ANO3: variants seen among roughly 807,000 people sequenced by gnomAD.
ANO3 encodes the protein anoctamin-3.
In ANO3, 99 loss-of-function variants were observed where a neutral mutation model predicts 144.8. The ratio of observed to expected loss-of-function variants is 0.68; its 90% CI spans 0.58 to 0.81. ANO3 has a LOEUF of 0.81. Among genes scored for constraint, ANO3 ranks in the 30% least tolerant of loss-of-function variants. The pLI, the probability that ANO3 is intolerant of heterozygous loss-of-function variation, is 0.00. For synonymous variants in ANO3, 414 were observed against 392.6 expected (o/e 1.05, Z -0.64); for missense variants, 905 against 1,202.2 (o/e 0.75, Z 3.66).
chr11:26,568,464 C>T (rs994922138), intron 14 of ANO3, among the ~76,000 whole-genome samples: 10 of 82,812 alleles, frequency 1.2e-4, no homozygotes, highest in African/African-American at 3.3e-4. Context: ...GAACTTCTTC[C>T]TACCATAGTT....
At chr11:26,301,040 G>C (rs1232977749) in intron 1 of ANO3, among the ~76,000 whole-genome samples, 1 of 147,736 alleles carries the variant, frequency 6.8e-6, no homozygotes, top group Admixed American at 6.7e-5. Context: ...TTTTAGTAGA[G>C]ATGGGGTTTC....
chr11:26,542,597 C>A (rs941132225), intron 11 of ANO3, among the ~76,000 whole-genome samples: 1 of 152,028 alleles, frequency 6.6e-6, no homozygotes, highest in Non-Finnish European at 1.5e-5. Flanking sequence ...GAAAGTGGAT[C>A]TAAGAGCAAA....
chr11:26,239,195 A>G (rs1413544925), intron 1 of ANO3, among the ~76,000 whole-genome samples: 1 of 152,020 alleles, frequency 6.6e-6, no homozygotes, highest in African/African-American at 2.4e-5. Context: ...ATAATAATGC[A>G]TTGCTTCTTT....
At chr11:26,563,883 T>C in intron 14 of ANO3, among the ~76,000 whole-genome samples, 1 of 151,854 alleles carries the variant, frequency 6.6e-6, no homozygotes, top group Non-Finnish European at 1.5e-5. Context: ...TGTATTATTC[T>C]TTTCACTCGG....
intron 23 of ANO3, among the ~76,000 whole-genome samples, chr11:26,644,961 A>C (rs1853296842): frequency 6.6e-6 from 1 of 151,998 alleles, no homozygotes; most frequent in Non-Finnish European, 1.5e-5. Flanking sequence ...TAAGGTTTTA[A>C]ATTTTATATA....
chr11:26,262,331 G>C (rs763606428), intron 1 of ANO3, among the ~76,000 whole-genome samples: 1 of 152,000 alleles, frequency 6.6e-6, no homozygotes, highest in Non-Finnish European at 1.5e-5. Flanking sequence ...ATTTTACAAA[G>C]ACAGAAATCA....
intron 1 of ANO3, among the ~76,000 whole-genome samples, chr11:26,372,909 G>A (rs1186319904): frequency 6.6e-6 from 1 of 151,730 alleles, no homozygotes; most frequent in African/African-American, 2.4e-5. Context: ...TTGTGTGGAA[G>A]TAAAAGCAGT....
At chr11:26,245,018 T>TGTGTGAGCGC (rs151031559) in intron 1 of ANO3, among the ~76,000 whole-genome samples, 1 of 145,324 alleles carries the variant, frequency 6.9e-6, no homozygotes. Context: ...TGTGTGTGTG[T>TGTGTGAGCGC]GTGCATGCAT....
intron 1 of ANO3, among the ~76,000 whole-genome samples, chr11:26,244,200 T>C (rs550107042): frequency 6.6e-6 from 1 of 152,122 alleles, no homozygotes; most frequent in African/African-American, 2.4e-5. Context: ...AACTACTATC[T>C]TCCAAACATG....
chr11:26,618,466 C>T (rs1244337532), intron 17 of ANO3, among the ~76,000 whole-genome samples: 1 of 152,110 alleles, frequency 6.6e-6, no homozygotes, highest in African/African-American at 2.4e-5. Flanking sequence ...GGTTGGTCTT[C>T]CTGTCTCTAA....
At position 26,287,798 on chromosome 11, in the gene ANO3, A is replaced by C. The variant is rs1232538410; in HGVS notation, c.155-21847A>C. 2.0e-5 allele frequency among the ~76,000 whole-genome samples: 3 copies of C among 152,334 alleles called. No homozygotes were observed. The East Asian group carries it at 5.8e-4, about 29-fold the overall frequency. Reference sequence around the variant, plus strand: ...TTAGAAACCACTTACTAGGTGTGAAAAGAGCCCTGAAAAAATGTAAGTGCC... The same window carrying C: ...TTAGAAACCACTTACTAGGTGTGAACAGAGCCCTGAAAAAATGTAAGTGCC... On this transcript the variant is annotated intron_variant, in intron 1 of 27. Transcript: ENST00000672621.
intron 1 of ANO3, among the ~76,000 whole-genome samples, chr11:26,420,177 C>T (rs1486603239): frequency 1.3e-5 from 2 of 152,010 alleles, no homozygotes; most frequent in African/African-American, 4.8e-5. Context: ...TGCTAGCAAG[C>T]AAACTCAAAA....
rs528919438 is a variant in ANO3, at chr11:26,272,326, G to A, written c.155-37319G>A. 5.9e-5 allele frequency among the ~76,000 whole-genome samples: 9 copies of A among 152,062 alleles called. 1 individual carries two copies. In the South Asian group the frequency reaches 1.5e-3, roughly 25 times the overall value. ...GATGTCTGCAACTGCCTGCCATTTCGAAACAAATGAATCCAGCATAAGGAC... is the reference window on the plus strand; with the variant it reads ...GATGTCTGCAACTGCCTGCCATTTCAAAACAAATGAATCCAGCATAAGGAC... On this transcript the variant is annotated intron_variant, in intron 1 of 27. Transcript: ENST00000672621.
intron 1 of ANO3, among the ~76,000 whole-genome samples, chr11:26,339,595 C>T (rs996212260): frequency 1.3e-5 from 2 of 152,172 alleles, no homozygotes; most frequent in African/African-American, 2.4e-5. Flanking sequence ...AGCTAGTTTC[C>T]TTGCTCTACA....
At chr11:26,531,554 A>AT (rs1849371641) in intron 8 of ANO3, among the ~76,000 whole-genome samples, 1 of 152,222 alleles carries the variant, frequency 6.6e-6, no homozygotes, top group Admixed American at 6.5e-5. Flanking sequence ...TGAATAATTA[A>AT]TTGTAGACCT....
At chr11:26,249,314 T>C (rs533470578) in intron 1 of ANO3, among the ~76,000 whole-genome samples, 1 of 152,298 alleles carries the variant, frequency 6.6e-6, no homozygotes, top group South Asian at 2.1e-4. Context: ...AAAAAGAATG[T>C]ATTATATGAA....
At chr11:26,485,598 A>G (rs1237964288) in intron 4 of ANO3, among the ~76,000 whole-genome samples, 1 of 152,164 alleles carries the variant, frequency 6.6e-6, no homozygotes, top group Non-Finnish European at 1.5e-5. Flanking sequence ...AGAAAAATAC[A>G]TCTGATGATT....
chr11:26,482,424 ATATGTG>A lies in ANO3; in HGVS notation c.432+19278_432+19283del, dbSNP rs1432102849. ...ATTTTGCAGTAATTTGAACACAGAT[ATATGTG>A]TGTGTGTGTGTGTGTGTGTGTGTGT... is the stretch of plus-strand genomic sequence containing the variant. On this transcript the variant is annotated intron_variant, in intron 4 of 26. Transcript: ENST00000256737. 6.8e-3 allele frequency among the ~76,000 whole-genome samples: 744 copies of A among 109,796 alleles called. 6 individuals are homozygous for A. The highest frequency in any genetic ancestry group is 0.018 in the African/African-American group (505 of 27,926). The allele number at this position is 109,796 out of a possible 152,430, so 72.0% of individuals were successfully genotyped here.
intron 14 of ANO3, among the ~76,000 whole-genome samples, chr11:26,594,140 A>G (rs1194524287): frequency 2.6e-5 from 4 of 152,142 alleles, no homozygotes; most frequent in Admixed American, 2.6e-4. Flanking sequence ...AGTGGACATC[A>G]TTGAATAATT....
Sources: gnomAD v4.1 joint callset for allele counts (sites outside exome capture counted in the v4.1 genomes callset) on GRCh38, gnomAD v4.1.1 for gene constraint, MANE v1.5 for transcripts, NCBI Gene and HGNC (gene_info 2026-07-23, HGNC 2026-07-21) for gene names.